The following IGFBP7 variants were observed in gnomAD, a reference collection of about 807,000 sequenced individuals.
The protein encoded by IGFBP7 is insulin like growth factor binding protein 7, also known as insulin-like growth factor-binding protein 7.
IGFBP7 carries 31 observed loss-of-function variants against 29.4 expected under a neutral mutation model. The observed-to-expected ratio is 1.05, with a 90% CI of 0.79 to 1.42. IGFBP7 has a LOEUF of 1.42. Among genes scored for constraint, IGFBP7 ranks in the 40% most tolerant of loss-of-function variants. IGFBP7 has a pLI of 0.00. For synonymous variants in IGFBP7, 172 were observed against 174.9 expected (o/e 0.98, Z 0.13); for missense variants, 393 against 395.5 (o/e 0.99, Z 0.05).
chr4:57,103,199 T>C (rs984673351), intron 1 of IGFBP7, among the ~76,000 whole-genome samples: 7 of 152,124 alleles, frequency 4.6e-5, no homozygotes, highest in South Asian at 2.1e-4. Flanking sequence ...ACAGCTTCCT[T>C]ATGGGAGTCT....
intron 1 of IGFBP7, among the ~76,000 whole-genome samples, chr4:57,101,993 C>T (rs951655644): frequency 6.6e-6 from 1 of 152,182 alleles, no homozygotes; most frequent in Non-Finnish European, 1.5e-5. Context: ...CACTCATATT[C>T]CCTGGCTTAA....
rs1223315951 is a variant in IGFBP7 at position 57,030,810 on chromosome 4, C to T, written c.*507G>A. 1.1e-5 allele frequency: 8 copies of T among 751,836 alleles called. No individual in the cohort carries two copies. Among genetic ancestry groups the T allele is most frequent in the East Asian group, 7.5e-5 (3 of 40,184 alleles). The allele number at this position is 751,836 out of a possible 1,614,324, so 46.6% of individuals were successfully genotyped here. A position where few individuals can be genotyped will look rare whatever the true frequency, so the allele number is the denominator to read the frequency against. ...GCTCCACTCATTTATTCATTATCTA[C>T]AGTACCAGATCTTTGTCTTTTTCTG... On this transcript the variant is annotated 3_prime_UTR_variant, in exon 5 of 5. Transcript: ENST00000295666.
At chr4:57,075,513 T>G (rs1725200626) in intron 1 of IGFBP7, among the ~76,000 whole-genome samples, 1 of 152,068 alleles carries the variant, frequency 6.6e-6, no homozygotes, top group Admixed American at 6.6e-5. Context: ...TTGGGGAGGT[T>G]TCCTAACTAA....
intron 1 of IGFBP7, among the ~76,000 whole-genome samples, chr4:57,100,262 TA>T (rs1221300168): frequency 2.0e-5 from 3 of 151,666 alleles, no homozygotes; most frequent in Non-Finnish European, 4.4e-5. Context: ...TTATTTTTAG[TA>T]GAGATGAGAT....
chr4:57,056,072 C>T (rs1022048997), intron 1 of IGFBP7, among the ~76,000 whole-genome samples: 4 of 152,060 alleles, frequency 2.6e-5, no homozygotes, highest in African/African-American at 9.7e-5. Flanking sequence ...CAACCCCAGA[C>T]GTTAGCCAGC....
At chr4:57,073,412 T>C (rs10016200) in intron 1 of IGFBP7, among the ~76,000 whole-genome samples, 124,784 of 151,130 alleles carry the variant, frequency 0.83, 51,906 homozygotes, top group East Asian at 0.9. Flanking sequence ...CCGGACAACA[T>C]AGCAAAACCC....
At chr4:57,073,993 C>T (rs186263294) in intron 1 of IGFBP7, among the ~76,000 whole-genome samples, 2 of 152,152 alleles carry the variant, frequency 1.3e-5, no homozygotes, top group Non-Finnish European at 1.5e-5. Context: ...CACCAGCAAG[C>T]GAGCTTCCAA....
chr4:57,047,496 T>A (rs752724173), intron 1 of IGFBP7, among the ~76,000 whole-genome samples: 6 of 152,086 alleles, frequency 3.9e-5, no homozygotes, highest in Non-Finnish European at 7.4e-5. Flanking sequence ...GATAGCCAGA[T>A]CCTGAAGGAA....
chr4:57,099,916 G>A (rs1451285795), intron 1 of IGFBP7, among the ~76,000 whole-genome samples: 3 of 151,852 alleles, frequency 2.0e-5, no homozygotes, highest in Non-Finnish European at 1.5e-5. Flanking sequence ...TCTTTTTTTG[G>A]TAGAGATAGG....
chr4:57,038,115 C>T (rs1307078268), intron 2 of IGFBP7, among the ~76,000 whole-genome samples: 1 of 152,202 alleles, frequency 6.6e-6, no homozygotes, highest in African/African-American at 2.4e-5. Context: ...GTACCTGTTC[C>T]CAGATTTTAC....
intron 1 of IGFBP7, among the ~76,000 whole-genome samples, chr4:57,090,917 T>C (rs942401278): frequency 6.6e-6 from 1 of 152,172 alleles, no homozygotes; most frequent in Non-Finnish European, 1.5e-5. Flanking sequence ...TTAGTTAACA[T>C]TTTTCACAGA....
intron 1 of IGFBP7, among the ~76,000 whole-genome samples, chr4:57,085,874 A>G (rs553755653): frequency 6.6e-6 from 1 of 152,036 alleles, no homozygotes; most frequent in East Asian, 1.9e-4. Flanking sequence ...TCCCTCCTTC[A>G]CTTTTATTTG....
At chr4:57,048,528 A>G (rs2109752051) in intron 1 of IGFBP7, among the ~76,000 whole-genome samples, 2 of 152,368 alleles carry the variant, frequency 1.3e-5, no homozygotes, top group East Asian at 3.9e-4. Flanking sequence ...GTTCAGAAGA[A>G]TTTAAGAAAG....
intron 1 of IGFBP7, among the ~76,000 whole-genome samples, chr4:57,078,400 C>A (rs748210717): frequency 1.3e-5 from 2 of 152,056 alleles, no homozygotes; most frequent in African/African-American, 2.4e-5. Context: ...AAAATTCTGC[C>A]TCAACAAATT....
In IGFBP7 at chr4:57,110,104, G is replaced by C; in HGVS notation, c.248C>G (p.Pro83Arg). ...GGGAGRGYCAPGMECVKSRKR... is the reference protein window; with the variant it reads ...GGGAGRGYCARGMECVKSRKR... ...GCGGCTCTTCACGCACTCCATGCCC[G>C]GCGCGCAGTACCCCCTGCCGGCGCC... The change falls in exon 1 of 5, where the codon CCG (proline) becomes CGG (arginine). Residue 83 changes from proline (P) to arginine (R), a missense_variant. Pro to Arg is a moderately radical substitution (Grantham distance 103, BLOSUM62 -2). Coordinates refer to ENST00000295666, the MANE Select transcript of IGFBP7 (RefSeq NM_001553.3). 1.3e-6 allele frequency: 2 copies of C among 1,532,084 alleles called. No homozygotes were observed. The highest frequency in any genetic ancestry group is 1.4e-5 in the African/African-American group (1 of 71,200). 94.9% of individuals were successfully genotyped at this position (1,532,084 alleles called of 1,614,324 possible).
At chr4:57,046,697 G>A (rs1437602114) in intron 1 of IGFBP7, among the ~76,000 whole-genome samples, 1 of 152,138 alleles carries the variant, frequency 6.6e-6, no homozygotes, top group Non-Finnish European at 1.5e-5. Context: ...CATCTGTCTA[G>A]CAAACATCCT....
chr4:57,109,722 G>A (rs1382965370), intron 1 of IGFBP7, 155 bp downstream of exon 1: 3 of 901,160 alleles, frequency 3.3e-6, no homozygotes, highest in Non-Finnish European at 3.1e-6. Context: ...GGCATTCCGC[G>A]GCTGCCAACT....
intron 1 of IGFBP7, among the ~76,000 whole-genome samples, chr4:57,067,760 G>C (rs1253932135): frequency 6.6e-6 from 1 of 152,034 alleles, no homozygotes; most frequent in African/African-American, 2.4e-5. Context: ...AGCAGTGATT[G>C]CTTTTTTGCA....
chr4:57,065,579 C>T (rs113673458), intron 1 of IGFBP7: 356 of 152,442 alleles, frequency 2.3e-3, no homozygotes, highest in Middle Eastern at 6.8e-3. Flanking sequence ...CGGCCCTCCT[C>T]CCAATCCGCA....
Sources: gnomAD v4.1 joint callset for allele counts (sites outside exome capture counted in the v4.1 genomes callset) on GRCh38, gnomAD v4.1.1 for gene constraint, MANE v1.5 for transcripts, NCBI Gene and HGNC (gene_info 2026-07-23, HGNC 2026-07-21) for gene names.